TRIM69: variants seen among roughly 807,000 people sequenced by gnomAD.
TRIM69 encodes tripartite motif containing 69, also known as E3 ubiquitin-protein ligase TRIM69.
Under a neutral mutation model 37.7 loss-of-function variants are expected in TRIM69, and 29 were observed. The observed-to-expected ratio is 0.77, with a 90% CI of 0.57 to 1.05. The LOEUF (loss-of-function observed/expected upper bound fraction) is 1.05, where lower values mean the gene tolerates loss of function less well. Ranked by LOEUF, TRIM69 falls within the 50% of genes least tolerant of loss-of-function variation. TRIM69 has a pLI of 0.00. For missense variants in TRIM69, 596 were observed against 579.9 expected (o/e 1.03, Z -0.28); for synonymous variants, 209 against 212.4 (o/e 0.98, Z 0.14).
intron 1 of TRIM69, among the ~76,000 whole-genome samples, chr15:44,749,094 T>G (rs1470957551): frequency 6.6e-6 from 1 of 152,084 alleles, no homozygotes; most frequent in Non-Finnish European, 1.5e-5. Flanking sequence ...TTCACCATGT[T>G]GCTCACGCTG....
chr15:44,760,478 A>T (rs900903579), intron 6 of TRIM69, among the ~76,000 whole-genome samples: 7 of 152,208 alleles, frequency 4.6e-5, no homozygotes, highest in Admixed American at 6.5e-5. Flanking sequence ...TAAAATTCTA[A>T]ATAGAGTTTT....
intron 1 of TRIM69, among the ~76,000 whole-genome samples, chr15:44,747,387 C>A (rs1201173746): frequency 1.3e-5 from 2 of 152,262 alleles, no homozygotes; most frequent in East Asian, 3.9e-4. Context: ...TCATACAAGT[C>A]TCTTGCAAAT....
At chr15:44,756,243 G>T in intron 2 of TRIM69, 125 bp from the exon 3 acceptor site, 1 of 638,532 alleles carries the variant, frequency 1.6e-6, no homozygotes, top group Non-Finnish European at 2.8e-6. Flanking sequence ...ATGATACAGG[G>T]GAAGGGGAAG....
chr15:44,751,122 T>G (rs1018276221), intron 1 of TRIM69, among the ~76,000 whole-genome samples: 1 of 151,052 alleles, frequency 6.6e-6, no homozygotes, highest in Non-Finnish European at 1.5e-5. Flanking sequence ...ACCTAACTTT[T>G]TTTTTTCTTT....
chr15:44,749,090 A>G lies in TRIM69; in HGVS notation c.7-5810A>G, dbSNP rs372617363. On this transcript the variant is annotated intron_variant, in intron 1 of 6. Transcript: ENST00000329464. ...TTTCCGGTAGAGACAGGGTTTCACC[A>G]TGTTGCTCACGCTGGTCTCAAATTC... 4.3e-4 allele frequency among the ~76,000 whole-genome samples: 66 copies of G among 152,100 alleles called. 1 individual carries two copies. The East Asian group carries it at 0.012, about 28-fold the overall frequency.
intron 1 of TRIM69, chr15:44,754,450 T>C (rs1324890280): frequency 6.4e-6 from 1 of 156,180 alleles, no homozygotes; most frequent in Non-Finnish European, 1.4e-5. Flanking sequence ...TGAAATGTGT[T>C]TTTTTAAAAA....
chr15:44,738,751 G>A (rs2087216514), intron 1 of TRIM69, among the ~76,000 whole-genome samples: 1 of 152,190 alleles, frequency 6.6e-6, no homozygotes, highest in Non-Finnish European at 1.5e-5. Context: ...ACTCTGGGAA[G>A]ATACTTGAAG....
chr15:44,765,151 C>T (rs1352626890), intron 6 of TRIM69, among the ~76,000 whole-genome samples: 2 of 152,076 alleles, frequency 1.3e-5, no homozygotes, highest in Non-Finnish European at 2.9e-5. Flanking sequence ...AGTGTTTGGG[C>T]ACAAGATATA....
At position 44,767,180 on chromosome 15, in the gene TRIM69, G is replaced by T. The variant is rs563063796; in HGVS notation, c.962-51G>T. On this transcript the variant is annotated intron_variant, in intron 6 of 6. Transcript: ENST00000329464. ...ATACTATCTTTTACTGTGGGAATTT[G>T]TGTTTACCCCCCTTTCTCCCATGCT... 3 of 1,464,826 alleles carry T rather than the reference G, an allele frequency of 2.0e-6. No individual in the cohort carries two copies. The South Asian group carries it at 3.8e-5, about 18-fold the overall frequency. The allele number at this position is 1,464,826 out of a possible 1,614,324, so 90.7% of individuals were successfully genotyped here. A position where few individuals can be genotyped will look rare whatever the true frequency, so the allele number is the denominator to read the frequency against.
In TRIM69 at chr15:44,767,268, C is replaced by T; in HGVS notation, c.999C>T (p.His333=). The T allele has an allele frequency of 6.2e-7, 1 of 1,613,854 alleles. No individual in the cohort carries two copies. The highest frequency in any genetic ancestry group is 8.5e-7 in the Non-Finnish European group (1 of 1,179,990). The part of the protein sequence containing the change: ...SPLTLDPKTA[H]PNLVLSKSQT... Reference sequence around the variant, plus strand: ...TAACTCTGGACCCTAAAACAGCTCACCCAAATCTGGTGCTCTCCAAAAGCC... The same window carrying T: ...TAACTCTGGACCCTAAAACAGCTCATCCAAATCTGGTGCTCTCCAAAAGCC... The change falls in exon 7 of 7, where the codon CAC becomes CAT. Residue 333 remains histidine, a synonymous_variant. Coordinates refer to ENST00000329464, the MANE Select transcript of TRIM69 (RefSeq NM_182985.5).
chr15:44,764,364 T>C (rs113194423), intron 6 of TRIM69, among the ~76,000 whole-genome samples: 1,644 of 152,352 alleles, frequency 0.011, 35 homozygotes, highest in African/African-American at 0.038. Flanking sequence ...AAATTGTTTT[T>C]CTATGGTAAC....
rs748251986 is a variant in TRIM69 at position 44,767,651 on chromosome 15, C to A, written c.1382C>A (p.Thr461Asn). Residue 461 changes from threonine to asparagine, a missense_variant, in exon 7 of 7, where the codon ACC becomes AAC. Physicochemically the swap from Thr to Asn is moderately conservative, Grantham distance 65 (BLOSUM62 0). Transcript: ENST00000329464. ...CAGTTGTCCTTCTACAATGCTAAAA[C>A]CATGACTCACATTTACACCTTCAGT... ...GGQLSFYNAK[T>N]MTHIYTFSNT... 26 of 1,614,074 alleles carry A rather than the reference C, an allele frequency of 1.6e-5. No homozygotes were observed. Among genetic ancestry groups the A allele is most frequent in the East Asian group, 2.2e-5 (1 of 44,900 alleles).
At chr15:44,755,397 G>C (rs1249107362) in intron 2 of TRIM69, 21 bp downstream of exon 2, 25 of 1,552,230 alleles carry the variant, frequency 1.6e-5, no homozygotes, top group Non-Finnish European at 1.8e-5. Flanking sequence ...CCTGGGCCTT[G>C]AACAATCCCT....
intron 1 of TRIM69, among the ~76,000 whole-genome samples, chr15:44,738,046 CTTTCTTTCTTTTT>C (rs1454106132): frequency 6.1e-5 from 1 of 16,312 alleles, no homozygotes; most frequent in East Asian, 7.3e-4. Flanking sequence ...TACATACTTT[CTTTCTTTCTTTTT>C]TTTTTTTTTT....
intron 1 of TRIM69, among the ~76,000 whole-genome samples, chr15:44,751,593 C>A (rs2087533376): frequency 6.6e-6 from 1 of 152,062 alleles, no homozygotes; most frequent in Admixed American, 6.6e-5. Flanking sequence ...CTTCTGCTAT[C>A]TTTGGTTTAG....
In TRIM69 at chr15:44,767,733, A is replaced by C. The variant is rs762982714; in HGVS notation, c.1464A>C (p.Gly488=). 8.1e-6 allele frequency: 13 copies of C among 1,613,516 alleles called. No individual in the cohort carries two copies. The highest frequency in any genetic ancestry group is 1.1e-5 in the Non-Finnish European group (13 of 1,180,002). The stretch of plus-strand genomic sequence containing the variant: ...TCTGCCCCTGCCTTAATGATGGTGG[A>C]GAGAATAAAGAACCATTGCACATCT... ...PYFCPCLNDG[G]ENKEPLHILH... Residue 488 remains glycine, a synonymous_variant, in exon 7 of 7, where the codon GGA becomes GGC. Coordinates refer to ENST00000329464, the MANE Select transcript of TRIM69 (RefSeq NM_182985.5).
intron 1 of TRIM69, among the ~76,000 whole-genome samples, chr15:44,743,163 T>C (rs1395372557): frequency 1.3e-5 from 2 of 152,136 alleles, no homozygotes; most frequent in Non-Finnish European, 2.9e-5. Context: ...TAATGCCGCA[T>C]ATCTACAACT....
intron 1 of TRIM69, among the ~76,000 whole-genome samples, chr15:44,742,373 C>G (rs1372493189): frequency 2.1e-5 from 3 of 142,704 alleles, no homozygotes; most frequent in Non-Finnish European, 4.6e-5. Flanking sequence ...ACTGAATGGG[C>G]AAAAACTGGA....
At chr15:44,740,433 G>A (rs1034769591) in intron 1 of TRIM69, among the ~76,000 whole-genome samples, 8 of 152,278 alleles carry the variant, frequency 5.3e-5, no homozygotes, top group Admixed American at 1.3e-4. Context: ...CAACTACTCC[G>A]AGCTACAGGA....
Sources: gnomAD v4.1 joint callset for allele counts (sites outside exome capture counted in the v4.1 genomes callset) on GRCh38, gnomAD v4.1.1 for gene constraint, MANE v1.5 for transcripts, NCBI Gene and HGNC (gene_info 2026-07-23, HGNC 2026-07-21) for gene names.